The following CUX1 variants were observed in gnomAD, a reference collection of about 807,000 sequenced individuals.
CUX1 encodes cut like homeobox 1, also known as protein CASP.
Under a neutral mutation model 158.8 loss-of-function variants are expected in CUX1, and 31 were observed. The observed-to-expected ratio is 0.20, with a 90% CI of 0.15 to 0.26. The LOEUF is 0.26. Among genes scored for constraint, CUX1 ranks in the 10% least tolerant of loss-of-function variants. The pLI is 1.00. For missense variants in CUX1, 1,589 were observed against 2,014.6 expected (o/e 0.79, Z 4.04); for synonymous variants, 879 against 862.1 (o/e 1.02, Z -0.34).
At chr7:101,930,007 A>C (rs1585013237) in intron 2 of CUX1, among the ~76,000 whole-genome samples, 1 of 151,944 alleles carries the variant, frequency 6.6e-6, no homozygotes, top group African/African-American at 2.4e-5. Flanking sequence ...ATGCCCGGCT[A>C]ATTTTTGTGT....
intron 1 of CUX1, among the ~76,000 whole-genome samples, chr7:101,844,888 T>C (rs1471236487): frequency 1.3e-5 from 2 of 152,192 alleles, no homozygotes; most frequent in African/African-American, 4.8e-5. Context: ...AGTGCTGGGA[T>C]TACAGGCGTG....
chr7:101,887,924 G>T (rs1200862484), intron 1 of CUX1, among the ~76,000 whole-genome samples: 1 of 150,928 alleles, frequency 6.6e-6, no homozygotes, highest in South Asian at 2.1e-4. Flanking sequence ...AGATGTCGTG[G>T]TCCCTCTGCG....
intron 2 of CUX1, among the ~76,000 whole-genome samples, chr7:101,919,263 T>C (rs1804605079): frequency 1.3e-5 from 2 of 151,778 alleles, no homozygotes; most frequent in Non-Finnish European, 2.9e-5. Context: ...GTGTGGAGCC[T>C]CAGCTCAGTG....
At chr7:102,168,478 C>G (rs1791297901) in intron 9 of CUX1, among the ~76,000 whole-genome samples, 2 of 151,906 alleles carry the variant, frequency 1.3e-5, no homozygotes, top group Non-Finnish European at 2.9e-5. Flanking sequence ...GAAACCCCAT[C>G]TCTACTCAAA....
At chr7:102,119,005 C>T (rs1831740233) in intron 8 of CUX1, among the ~76,000 whole-genome samples, 1 of 152,194 alleles carries the variant, frequency 6.6e-6, no homozygotes, top group Non-Finnish European at 1.5e-5. Flanking sequence ...CCACCTCAGC[C>T]TCCCAAAGTG....
At chr7:101,948,585 A>T (rs1228292358) in intron 2 of CUX1, among the ~76,000 whole-genome samples, 1 of 152,130 alleles carries the variant, frequency 6.6e-6, no homozygotes, top group East Asian at 1.9e-4. Flanking sequence ...AGTTCCCTTG[A>T]GTCTGGGCCT....
At chr7:101,844,241 C>T (rs193085001) in intron 1 of CUX1, among the ~76,000 whole-genome samples, 288 of 148,414 alleles carry the variant, frequency 1.9e-3, no homozygotes, top group African/African-American at 6.7e-3. Flanking sequence ...GCTGCATCTC[C>T]CTGGTTTGCA....
chr7:102,034,145 CAAA>C (rs10655613), intron 3 of CUX1, among the ~76,000 whole-genome samples: 59 of 48,608 alleles, frequency 1.2e-3, no homozygotes, highest in Non-Finnish European at 1.6e-3. Context: ...GACTCCATCT[CAAA>C]AAAAAAAAAA....
At chr7:102,199,482 C>T (rs1264703446) in intron 16 of CUX1, among the ~76,000 whole-genome samples, 2 of 152,212 alleles carry the variant, frequency 1.3e-5, no homozygotes, top group Non-Finnish European at 2.9e-5. Context: ...ACCATGTGGC[C>T]GAAAGAATCC....
intron 1 of CUX1, among the ~76,000 whole-genome samples, chr7:101,824,099 AT>A (rs1361150407): frequency 6.6e-6 from 1 of 151,992 alleles, no homozygotes; most frequent in African/African-American, 2.4e-5. Context: ...TTTTTATTTT[AT>A]TTTTTGAGAC....
chr7:102,225,007 G>A (rs530283574), intron 20 of CUX1, among the ~76,000 whole-genome samples: 4 of 152,260 alleles, frequency 2.6e-5, no homozygotes, highest in South Asian at 2.1e-4. Context: ...CCATCCTTAC[G>A]GTACGGTTCC....
At position 101,935,030 on chromosome 7, in the gene CUX1, G is replaced by A. The variant is rs148388132; in HGVS notation, c.141+18805G>A. Among the ~76,000 whole-genome samples the A allele has an allele frequency of 1.4e-4, 21 of 152,212 alleles. No individual in the cohort carries two copies. The East Asian group carries it at 3.3e-3, about 24-fold the overall frequency. ...ACAGATCCGACTTGGAGACTGTCAG[G>A]CCTCTGAGCCCAAGCTAAGCCATCA... is the stretch of plus-strand genomic sequence containing the variant. On this transcript the variant is annotated intron_variant, in intron 2 of 23. Transcript: ENST00000292535.
chr7:102,264,004 C>CTTT (rs60225596), intron 14 of CUX1, among the ~76,000 whole-genome samples: 2 of 100,954 alleles, frequency 2.0e-5, no homozygotes, highest in African/African-American at 3.9e-5. Flanking sequence ...AAGTTAACTT[C>CTTT]TTTTTTTTTT....
chr7:102,078,155 A>G (rs1826982522), intron 4 of CUX1, among the ~76,000 whole-genome samples: 1 of 152,040 alleles, frequency 6.6e-6, no homozygotes, highest in Non-Finnish European at 1.5e-5. Flanking sequence ...ATCATAGCTC[A>G]TTTAACCGCC....
At position 101,869,717 on chromosome 7, in the gene CUX1, G is replaced by C; in HGVS notation, c.31-46398G>C. Among the ~76,000 whole-genome samples, 1 of 152,218 alleles carries C rather than the reference G, an allele frequency of 6.6e-6. No individual in the cohort carries two copies. Among genetic ancestry groups the C allele is most frequent in the Non-Finnish European group, 1.5e-5 (1 of 68,038 alleles). ...CAGGACACACGTGCGAGCCACAGCA[G>C]GTGGGCGGGAGCTCACAGGCTGCAG... On this transcript the variant is annotated intron_variant, in intron 1 of 23. Coordinates refer to ENST00000292535, the MANE Select transcript of CUX1 (RefSeq NM_181552.4). The surrounding 1 kb of genome is among the most constrained non-coding windows in gnomAD (Gnocchi z 4.5).
chr7:102,272,613 G>C (rs1031473857), intron 14 of CUX1, among the ~76,000 whole-genome samples: 2 of 152,246 alleles, frequency 1.3e-5, no homozygotes, highest in Non-Finnish European at 2.9e-5. Context: ...GGGCTGCCTG[G>C]CTCCTGGGTC....
intron 2 of CUX1, among the ~76,000 whole-genome samples, chr7:102,021,637 G>A (rs1421381278): frequency 4.6e-5 from 3 of 65,754 alleles, no homozygotes; most frequent in Non-Finnish European, 9.7e-5. Flanking sequence ...TTTTTTTTTT[G>A]GATGGAGTTT....
intron 8 of CUX1, among the ~76,000 whole-genome samples, chr7:102,118,638 C>T (rs1253777586): frequency 6.6e-6 from 1 of 152,182 alleles, no homozygotes; most frequent in African/African-American, 2.4e-5. Flanking sequence ...CACTAGGGTC[C>T]ACTACGAGCT....
At chr7:101,941,075 C>G (rs1256501090) in intron 2 of CUX1, among the ~76,000 whole-genome samples, 24 of 152,208 alleles carry the variant, frequency 1.6e-4, no homozygotes, top group Non-Finnish European at 2.9e-5. Context: ...AGGCAGGTGG[C>G]TCTTTTAAAG....
Sources: gnomAD v4.1 joint callset for allele counts (sites outside exome capture counted in the v4.1 genomes callset) on GRCh38, gnomAD v4.1.1 for gene constraint, Gnocchi (gnomAD v3.1) non-coding constraint, MANE v1.5 for transcripts, NCBI Gene and HGNC (gene_info 2026-07-23, HGNC 2026-07-21) for gene names.